EYS: variants seen among roughly 807,000 people sequenced by gnomAD.
EYS encodes EGF-like photoreceptor maintenance factor, also known as protein eyes shut homolog.
EYS carries 250 observed loss-of-function variants against 282.1 expected under a neutral mutation model. That is an observed-to-expected ratio of 0.89 (90% CI 0.80 to 0.98). The LOEUF (loss-of-function observed/expected upper bound fraction) is 0.98, where lower values mean the gene tolerates loss of function less well. EYS is among the 50% of genes least tolerant of loss of function. The pLI, the probability that EYS is intolerant of heterozygous loss-of-function variation, is 0.00. For synonymous variants in EYS, 1,355 were observed against 1,282.9 expected (o/e 1.06, Z -1.20); for missense variants, 4,016 against 3,709.0 (o/e 1.08, Z -2.15).
intron 5 of EYS, among the ~76,000 whole-genome samples, chr6:65,415,453 T>C (rs1214753683): frequency 6.6e-6 from 1 of 151,882 alleles, no homozygotes; most frequent in African/African-American, 2.4e-5. Context: ...GTCTTAGAGG[T>C]TGTCAGGTCA....
chr6:65,504,500 A>G (rs1429948416), intron 2 of EYS, among the ~76,000 whole-genome samples: 2 of 151,666 alleles, frequency 1.3e-5, no homozygotes, highest in African/African-American at 2.4e-5. Context: ...GAAAGTATCC[A>G]TTTTTCTACA....
At chr6:65,244,990 A>G (rs534491734) in intron 12 of EYS, among the ~76,000 whole-genome samples, 1 of 152,330 alleles carries the variant, frequency 6.6e-6, no homozygotes, top group South Asian at 2.1e-4. Flanking sequence ...AGTTAATTTA[A>G]ATATTTGAAA....
intron 2 of EYS, among the ~76,000 whole-genome samples, chr6:65,519,712 T>A (rs369530164): frequency 0.026 from 1,097 of 42,040 alleles, 18 homozygotes; most frequent in African/African-American, 0.064. Flanking sequence ...ATATATATTT[T>A]TTTTTTTTTT....
chr6:65,569,076 C>G (rs961924933), intron 2 of EYS, among the ~76,000 whole-genome samples: 2 of 152,140 alleles, frequency 1.3e-5, no homozygotes, highest in Non-Finnish European at 2.9e-5. Flanking sequence ...ATGTATACAT[C>G]CAGATGGCCT....
intron 8 of EYS, among the ~76,000 whole-genome samples, chr6:65,378,278 G>GA (rs34406321): frequency 2.6e-5 from 4 of 151,962 alleles, no homozygotes; most frequent in Admixed American, 2.6e-4. Flanking sequence ...ACAAACATAT[G>GA]AAAAAAAGCT....
intron 19 of EYS, among the ~76,000 whole-genome samples, chr6:64,836,171 C>A (rs1220540430): frequency 8.6e-6 from 1 of 116,592 alleles, no homozygotes; most frequent in Non-Finnish European, 1.9e-5. Context: ...ATTACTTAAA[C>A]AATTATAACA....
intron 19 of EYS, among the ~76,000 whole-genome samples, chr6:64,842,519 C>T (rs184642565): frequency 1.3e-5 from 2 of 151,834 alleles, no homozygotes; most frequent in East Asian, 1.9e-4. Flanking sequence ...CAGGAGAAGA[C>T]AGAAAAATGT....
At chr6:63,730,160 G>A (rs1025392304) in intron 41 of EYS, among the ~76,000 whole-genome samples, 1 of 152,042 alleles carries the variant, frequency 6.6e-6, no homozygotes, top group African/African-American at 2.4e-5. Context: ...CCAATATAAT[G>A]CATTAATAGA....
chr6:65,329,564 C>T lies in EYS; in HGVS notation c.1766+5416G>A, dbSNP rs911414488. On this transcript the variant is annotated intron_variant, in intron 11 of 42. Transcript: ENST00000503581. Reference sequence around the variant, plus strand: ...CAATATGACACTTTCATATGCAGTTCGATATCTTTTTTGCTTTAAAGGTAA... The same window carrying T: ...CAATATGACACTTTCATATGCAGTTTGATATCTTTTTTGCTTTAAAGGTAA... 9 of 982,790 alleles carry T rather than the reference C, an allele frequency of 9.2e-6. No homozygotes were observed. The African/African-American group carries it at 1.6e-4, about 17-fold the overall frequency. The allele number at this position is 982,790 out of a possible 1,614,324, so 60.9% of individuals were successfully genotyped here.
At chr6:65,113,437 C>G (rs2350520) in intron 12 of EYS, among the ~76,000 whole-genome samples, 39,701 of 151,578 alleles carry the variant, frequency 0.26, 6,361 homozygotes, top group African/African-American at 0.45. Flanking sequence ...ATACAGAGTT[C>G]AGTCACATAA....
rs950680663 is a variant in EYS at position 64,792,603 on chromosome 6, G to A, written c.3443+20775C>T. Among the ~76,000 whole-genome samples the A allele has an allele frequency of 2.0e-5, 3 of 151,996 alleles. No individual in the cohort carries two copies. In the East Asian group the frequency reaches 5.8e-4, roughly 29 times the overall value. On this transcript the variant is annotated intron_variant, in intron 22 of 42. Coordinates refer to ENST00000503581, the MANE Select transcript of EYS (RefSeq NM_001142800.2). ...TGAAAAATTGAGAAAATATAACAAA[G>A]ATATGATTAATACCTAAAACTCCAA...
intron 1 of EYS, among the ~76,000 whole-genome samples, chr6:65,681,971 T>C: frequency 6.6e-6 from 1 of 151,934 alleles, no homozygotes; most frequent in East Asian, 1.9e-4. Flanking sequence ...CACAGCCTAA[T>C]CACGTTGACC....
chr6:65,404,320 A>T (rs768266105), intron 6 of EYS, among the ~76,000 whole-genome samples: 1 of 152,082 alleles, frequency 6.6e-6, no homozygotes, highest in Non-Finnish European at 1.5e-5. Context: ...CCTTTGTTCC[A>T]TCTGCAATCT....
intron 41 of EYS, among the ~76,000 whole-genome samples, chr6:63,738,023 A>G (rs1768968616): frequency 6.6e-6 from 1 of 152,230 alleles, no homozygotes; most frequent in South Asian, 2.1e-4. Context: ...AATGCAAATC[A>G]AAACCACAAT....
chr6:64,672,905 C>T (rs1173091749), intron 22 of EYS, among the ~76,000 whole-genome samples: 2 of 152,088 alleles, frequency 1.3e-5, no homozygotes, highest in African/African-American at 4.8e-5. Context: ...TGAAATATTG[C>T]CAGCATTCTA....
At chr6:65,407,158 T>A (rs988778553) in intron 5 of EYS, among the ~76,000 whole-genome samples, 11 of 152,234 alleles carry the variant, frequency 7.2e-5, no homozygotes, top group African/African-American at 2.7e-4. Context: ...CATAGCTTTA[T>A]GTTAAAGTCT....
In EYS at chr6:64,000,168, CTTTTTTTTTTTTTTTTTTTTTT is replaced by C. The variant is rs71551553; in HGVS notation, c.6726-1007_6726-986del. Among the ~76,000 whole-genome samples, 140 of 42,732 alleles carry C rather than the reference CTTTTTTTTTTTTTTTTTTTTTT, an allele frequency of 3.3e-3. 5 individuals carry two copies. Among genetic ancestry groups the C allele is most frequent in the East Asian group, 0.032 (37 of 1,170 alleles). The allele number at this position is 42,732 out of a possible 152,430, so 28.0% of individuals were successfully genotyped here. Reference sequence around the variant, plus strand: ...CTGAGGAGTTTCCCAAGACATGGGACTTTTTTTTTTTTTTTTTTTTTTTTTTTTTTTTTTTTTTTTTTAGACA... The same window carrying C: ...CTGAGGAGTTTCCCAAGACATGGGACTTTTTTTTTTTTTTTTTTTTAGACA... On this transcript the variant is annotated intron_variant, in intron 33 of 42. Coordinates refer to ENST00000503581, the MANE Select transcript of EYS (RefSeq NM_001142800.2).
chr6:63,873,972 T>C (rs1292920186), intron 35 of EYS, among the ~76,000 whole-genome samples: 1 of 152,208 alleles, frequency 6.6e-6, no homozygotes. Flanking sequence ...GTAGTTTCTT[T>C]TGCTGTGCAG....
intron 26 of EYS, among the ~76,000 whole-genome samples, chr6:64,583,638 A>C (rs2149826180): frequency 6.6e-6 from 1 of 152,252 alleles, no homozygotes; most frequent in African/African-American, 2.4e-5. Flanking sequence ...TCTACTAAAA[A>C]TACAAAATTA....
Sources: allele counts gnomAD v4.1 joint callset (sites outside exome capture counted in the v4.1 genomes callset), GRCh38; gene constraint gnomAD v4.1.1; transcripts MANE v1.5; gene names NCBI Gene and HGNC (gene_info 2026-07-23, HGNC 2026-07-21).